SLC2A14: variants seen among roughly 807,000 people sequenced by gnomAD.
SLC2A14 encodes the protein solute carrier family 2 member 14.
Under a neutral mutation model 43.0 loss-of-function variants are expected in SLC2A14, and 13 were observed. The ratio of observed to expected loss-of-function variants is 0.30; its 90% confidence interval spans 0.20 to 0.48. SLC2A14 has a LOEUF of 0.48. SLC2A14 is among the 20% of genes least tolerant of loss of function. The pLI, the probability that SLC2A14 is intolerant of heterozygous loss-of-function variation, is 0.99. For synonymous variants in SLC2A14, 190 were observed against 233.8 expected (o/e 0.81, Z 1.71); for missense variants, 428 against 620.4 (o/e 0.69, Z 3.29).
Position 7,885,089 on chromosome 12 carries a change from G to A in SLC2A14, c.132+5907C>T, listed in dbSNP as rs970629900. Among the ~76,000 whole-genome samples, 10 of 152,240 alleles carry A rather than the reference G, an allele frequency of 6.6e-5. No individual in the cohort carries two copies. The East Asian group carries it at 1.9e-3, about 29-fold the overall frequency. ...GTAATTCAGTCCTTGAATATTAAAAGCCTTTAGTTAGAGTACAATCTGACA... is the reference window on the plus strand; with the variant it reads ...GTAATTCAGTCCTTGAATATTAAAAACCTTTAGTTAGAGTACAATCTGACA... On this transcript the variant is annotated intron_variant, in intron 1 of 9. Transcript: ENST00000539924.
rs1592236794 is a variant in SLC2A14 at position 7,846,405 on chromosome 12, A to T, written c.19-13591T>A. 4.1e-5 allele frequency among the ~76,000 whole-genome samples: 5 copies of T among 120,692 alleles called. 1 individual carries two copies. The highest frequency in any genetic ancestry group is 1.6e-4 in the Admixed American group (2 of 12,418). 79.2% of individuals were successfully genotyped at this position (120,692 alleles called of 152,430 possible). A position where few individuals can be genotyped will look rare whatever the true frequency, so the allele number is the denominator to read the frequency against. On this transcript the variant is annotated intron_variant, in intron 2 of 10. Transcript: ENST00000431042. ...CATGAAACAAATCTCATTATTGGTT[A>T]AAAAAAAAAAAAACTTTATCCTTAT...
At chr12:7,834,664 A>T (rs2120808968) in intron 2 of SLC2A14, among the ~76,000 whole-genome samples, 1 of 151,790 alleles carries the variant, frequency 6.6e-6, no homozygotes. Context: ...CCCAGGAGAT[A>T]GAAGCTGCAG....
intron 2 of SLC2A14, among the ~76,000 whole-genome samples, chr12:7,842,667 C>G (rs184961397): frequency 2.8e-4 from 43 of 151,620 alleles, no homozygotes; most frequent in Middle Eastern, 3.4e-3. Context: ...CACAGGAAAA[C>G]AGCTACATGA....
At chr12:7,848,333 G>C (rs1232076607) in intron 2 of SLC2A14, among the ~76,000 whole-genome samples, 3 of 151,678 alleles carry the variant, frequency 2.0e-5, no homozygotes, top group Admixed American at 6.6e-5. Context: ...TGTCTTGACT[G>C]TTCTCCTGCC....
intron 5 of SLC2A14, among the ~76,000 whole-genome samples, chr12:7,829,097 C>T (rs1297017416): frequency 6.6e-6 from 1 of 152,028 alleles, no homozygotes; most frequent in African/African-American, 2.4e-5. Context: ...CCTGCAATCC[C>T]AGCTACTCAG....
chr12:7,832,120 C>A (rs989013218), intron 3 of SLC2A14, among the ~76,000 whole-genome samples: 1 of 152,146 alleles, frequency 6.6e-6, no homozygotes. Context: ...AACAAACAAA[C>A]AAACAAAACA....
intron 7 of SLC2A14, among the ~76,000 whole-genome samples, chr12:7,826,348 C>G (rs1392135603): frequency 2.0e-5 from 3 of 151,970 alleles, no homozygotes; most frequent in Non-Finnish European, 4.4e-5. Flanking sequence ...AGCCACCACA[C>G]CTGGCTCCTT....
Position 7,827,665 on chromosome 12 carries a change from C to G in SLC2A14, c.694G>C (p.Gly232Arg), listed in dbSNP as rs1334594535. ...ATGTCTTGGGATACATCCTGGGTGC[C>G]CCACAACCGCTGGAGGACTGGTGAA... ...NATRILQRLW[G>R]TQDVSQDIQE... Residue 232 changes from glycine to arginine, a missense_variant, in exon 7 of 11, where the codon GGC (glycine) becomes CGC (arginine). By Grantham distance (125) the Gly-to-Arg change is moderately radical (BLOSUM62 -2). Around this residue, in one of 4 missense-constraint regions of SLC2A14, gnomAD observed 185 missense variants for 275.4 expected, o/e 0.67. Coordinates refer to ENST00000431042, the MANE Select transcript of SLC2A14 (RefSeq NM_001286234.2). 2.5e-6 allele frequency: 4 copies of G among 1,608,438 alleles called. No homozygotes were observed. Among genetic ancestry groups the G allele is most frequent in the Non-Finnish European group, 3.4e-6 (4 of 1,178,994 alleles).
At chr12:7,842,232 C>G (rs1866015990) in intron 2 of SLC2A14, among the ~76,000 whole-genome samples, 1 of 152,142 alleles carries the variant, frequency 6.6e-6, no homozygotes, top group Non-Finnish European at 1.5e-5. Flanking sequence ...CTTTTTATCA[C>G]TGGATAATAT....
rs1866927789 is a variant in SLC2A14 at position 7,851,382 on chromosome 12, C to T, written c.18+18481G>A. On this transcript the variant is annotated intron_variant, in intron 2 of 10. Transcript: ENST00000431042. ...AAAAATTATATAAATATTTCAACTA[C>T]AAATCAGGTGTTCACTTATCAATCC... Among the ~76,000 whole-genome samples the T allele has an allele frequency of 3.3e-5, 5 of 152,118 alleles. No homozygotes were observed. The South Asian group carries it at 1.0e-3, about 31-fold the overall frequency.
intron 1 of SLC2A14, among the ~76,000 whole-genome samples, chr12:7,881,153 C>T (rs946660591): frequency 6.6e-6 from 1 of 152,142 alleles, no homozygotes; most frequent in African/African-American, 2.4e-5. Flanking sequence ...CTCGGCACTT[C>T]CTCTGCCTGG....
rs113213181 is a variant in SLC2A14 at position 7,842,195 on chromosome 12, C to T, written c.19-9381G>A. Among the ~76,000 whole-genome samples, 364 of 152,186 alleles carry T rather than the reference C, an allele frequency of 2.4e-3. 2 individuals are homozygous for T. Among genetic ancestry groups the T allele is most frequent in the African/African-American group, 8.5e-3 (353 of 41,504 alleles). On this transcript the variant is annotated intron_variant, in intron 2 of 10. Transcript: ENST00000431042. ...TCACTTAGTGATATTCATTGAAGGTCCCTGCATGTCTTTTCGTGGCTCATT... is the reference window on the plus strand; with the variant it reads ...TCACTTAGTGATATTCATTGAAGGTTCCTGCATGTCTTTTCGTGGCTCATT...
At chr12:7,867,799 C>T (rs899397577) in intron 2 of SLC2A14, among the ~76,000 whole-genome samples, 6 of 147,464 alleles carry the variant, frequency 4.1e-5, no homozygotes, top group Non-Finnish European at 7.4e-5. Flanking sequence ...GAGCCGAGAT[C>T]GTTCCACTGC....
rs759229326 is a variant in SLC2A14 at position 7,879,762 on chromosome 12, T to G, written c.132+11234A>C. Among the ~76,000 whole-genome samples the G allele has an allele frequency of 1.2e-4, 18 of 152,180 alleles. No individual in the cohort carries two copies. In the South Asian group the frequency reaches 3.7e-3, roughly 32 times the overall value. On this transcript the variant is annotated intron_variant, in intron 1 of 9. Transcript: ENST00000539924. ...GCTCATGCCTGTAATCCCAACACTT[T>G]GGGAGGGCAAAGCAGGAGGAACACT...
intron 2 of SLC2A14, among the ~76,000 whole-genome samples, chr12:7,843,757 T>C (rs1224423586): frequency 6.6e-6 from 1 of 150,562 alleles, no homozygotes; most frequent in African/African-American, 2.4e-5. Flanking sequence ...CTTGCTCAAG[T>C]CTAGAAGCTG....
At chr12:7,849,005 C>T (rs993983303) in intron 2 of SLC2A14, among the ~76,000 whole-genome samples, 4 of 151,922 alleles carry the variant, frequency 2.6e-5, no homozygotes, top group African/African-American at 9.7e-5. Context: ...AGGAACCTGC[C>T]ACCTCGCCCG....
Position 7,827,600 on chromosome 12 carries a change from T to G in SLC2A14, c.759A>C (p.Glu253Asp), listed in dbSNP as rs765376859. Residue 253 changes from glutamate (E) to aspartate (D), a missense_variant, in exon 7 of 11, where the codon GAA becomes GAC. Around this residue, in one of 4 missense-constraint regions of SLC2A14, gnomAD observed 185 missense variants for 275.4 expected, o/e 0.67. Coordinates refer to ENST00000431042, the MANE Select transcript of SLC2A14 (RefSeq NM_001286234.2). ...AGAGCTCCAGCACGGTGACTTGCTT[T>G]TCTTGTGACATCCTTGCACTCTCAT... is the stretch of plus-strand genomic sequence containing the variant. The part of the protein sequence containing the change: ...MKDESARMSQ[E>D]KQVTVLELFR... 1.9e-6 allele frequency: 3 copies of G among 1,613,314 alleles called. No homozygotes were observed. Among genetic ancestry groups the G allele is most frequent in the South Asian group, 1.1e-5 (1 of 91,004 alleles).
chr12:7,864,833 T>C (rs922648733), intron 2 of SLC2A14, among the ~76,000 whole-genome samples: 6 of 152,016 alleles, frequency 3.9e-5, no homozygotes, highest in Non-Finnish European at 1.5e-5. Flanking sequence ...GCCTCCATAC[T>C]CTTAGGGTAT....
chr12:7,853,974 A>G (rs1471507616), intron 2 of SLC2A14, among the ~76,000 whole-genome samples: 1 of 152,172 alleles, frequency 6.6e-6, no homozygotes, highest in Admixed American at 6.5e-5. Context: ...GAACTTTCTG[A>G]TAACTAGAGC....
Sources: gnomAD v4.1 joint callset for allele counts (sites outside exome capture counted in the v4.1 genomes callset) on GRCh38, gnomAD v4.1.1 for gene constraint, gnomAD v4.1.1 regional missense constraint, MANE v1.5 for transcripts, NCBI Gene and HGNC (gene_info 2026-07-23, HGNC 2026-07-21) for gene names.